Variants in WASHC4 observed in about 807,000 individuals in gnomAD.
WASHC4 encodes the protein WASH complex subunit 4, also known as WASH complex subunit 7.
A neutral mutation model predicts 166.6 loss-of-function variants in WASHC4; 86 were observed. The ratio of observed to expected loss-of-function variants is 0.52; its 90% CI spans 0.43 to 0.62. WASHC4 has a LOEUF of 0.62. Among genes scored for constraint, WASHC4 ranks in the 20% least tolerant of loss-of-function variants. The pLI, the probability that WASHC4 is intolerant of heterozygous loss-of-function variation, is 0.00. For synonymous variants in WASHC4, 446 were observed against 451.6 expected (o/e 0.99, Z 0.16); for missense variants, 1,262 against 1,382.4 (o/e 0.91, Z 1.38).
At chr12:105,119,635 A>C (rs992544648) in intron 7 of WASHC4, among the ~76,000 whole-genome samples, 11 of 152,150 alleles carry the variant, frequency 7.2e-5, no homozygotes, top group African/African-American at 2.4e-4. Context: ...TATAGCTTCC[A>C]TACCCGCTGC....
chr12:105,115,701 A>G lies in WASHC4; in HGVS notation c.408A>G (p.Gln136=), dbSNP rs201647203. The change falls in exon 6 of 33, where the codon CAA becomes CAG. Residue 136 remains glutamine (Q), a synonymous_variant. Transcript: ENST00000332180. ...ASMVEGDCQI[Q]MGRFISFLQE... is the part of the protein sequence containing the mutation. ...TGGTGGAAGGTGATTGCCAAATTCA[A>G]ATGGGGAGATTTATTTCATTCTTAC... is the stretch of plus-strand genomic sequence containing the variant. 7.4e-5 allele frequency: 119 copies of G among 1,609,526 alleles called. No homozygotes were observed. Among genetic ancestry groups the G allele is most frequent in the Non-Finnish European group, 9.6e-5 (113 of 1,175,994 alleles).
At chr12:105,137,683 G>A (rs529595178) in intron 14 of WASHC4, among the ~76,000 whole-genome samples, 6 of 152,238 alleles carry the variant, frequency 3.9e-5, no homozygotes, top group East Asian at 1.9e-4. Context: ...ATAAATAAAC[G>A]GTTAGGGCTG....
At chr12:105,126,469 A>C in intron 12 of WASHC4, 107 bp downstream of exon 12, 3 of 903,436 alleles carry the variant, frequency 3.3e-6, no homozygotes, top group Non-Finnish European at 5.0e-6. Context: ...ATAATTTAAA[A>C]GTATTCACTT....
rs1027084528 is a variant in WASHC4, at chr12:105,167,641, A to G, written c.*710A>G. On this transcript the variant is annotated 3_prime_UTR_variant, in exon 33 of 33. Transcript: ENST00000332180. ...ATACTCAGAAAATTCAGATAAAGCC[A>G]TAGAGTCCTGTTTGAAGCTTCACTT... 6.6e-6 allele frequency: 1 copy of G among 152,616 alleles called. No homozygotes were observed. Among genetic ancestry groups the G allele is most frequent in the African/African-American group, 2.4e-5 (1 of 41,458 alleles). The allele number at this position is 152,616 out of a possible 1,614,324, so 9.5% of individuals were successfully genotyped here.
At chr12:105,115,000 G>C (rs553459302) in intron 4 of WASHC4, among the ~76,000 whole-genome samples, 184 bp from the exon 5 acceptor site, 3 of 151,872 alleles carry the variant, frequency 2.0e-5, no homozygotes, top group Admixed American at 6.6e-5. Context: ...ACAGCTTTGA[G>C]TATCAGTAAT....
intron 2 of WASHC4, among the ~76,000 whole-genome samples, chr12:105,112,170 GC>G (rs1386933117): frequency 1.3e-5 from 2 of 152,070 alleles, no homozygotes; most frequent in African/African-American, 4.8e-5. Context: ...CTCCTTTGTT[GC>G]TGGCTTCTTT....
At chr12:105,153,570 C>CT (rs1232100882) in intron 26 of WASHC4, among the ~76,000 whole-genome samples, 1 of 152,022 alleles carries the variant, frequency 6.6e-6, no homozygotes, top group Non-Finnish European at 1.5e-5. Flanking sequence ...AGTTCTTAAC[C>CT]TTTTTTGAGA....
chr12:105,133,476 A>C (rs559786853), intron 13 of WASHC4, among the ~76,000 whole-genome samples: 171 of 152,190 alleles, frequency 1.1e-3, no homozygotes, highest in African/African-American at 3.8e-3. Flanking sequence ...AATTTTACTT[A>C]CTGATTTCAT....
intron 32 of WASHC4, among the ~76,000 whole-genome samples, chr12:105,166,646 A>C (rs57393988): frequency 0.018 from 2,804 of 152,256 alleles, 69 homozygotes; most frequent in African/African-American, 0.051. Context: ...CTCCACCTTC[A>C]TTAAAAACCA....
At chr12:105,115,075 C>G in intron 4 of WASHC4, 109 bp from the exon 5 acceptor site, 2 of 621,778 alleles carry the variant, frequency 3.2e-6, no homozygotes, top group Non-Finnish European at 5.9e-6. Context: ...AATTTGTATG[C>G]AAATGATGTA....
chr12:105,112,314 A>T (rs3910855), intron 2 of WASHC4, among the ~76,000 whole-genome samples: 5,445 of 152,288 alleles, frequency 0.036, 112 homozygotes, highest in Non-Finnish European at 0.048. Context: ...GTTGATAGAC[A>T]TTGGATTTTT....
intron 6 of WASHC4, 137 bp from the exon 7 acceptor site, chr12:105,118,309 T>C: frequency 1.4e-6 from 1 of 716,882 alleles, no homozygotes; most frequent in Middle Eastern, 3.0e-4. Flanking sequence ...ATGCTTGAAC[T>C]TGTCTGGCTT....
At chr12:105,120,282 A>G (rs1370828903) in intron 7 of WASHC4, among the ~76,000 whole-genome samples, 1 of 152,198 alleles carries the variant, frequency 6.6e-6, no homozygotes, top group Non-Finnish European at 1.5e-5. Flanking sequence ...AGCCCTACCC[A>G]TGAGTGGGAT....
At chr12:105,117,579 TA>T (rs1189919881) in intron 6 of WASHC4, among the ~76,000 whole-genome samples, 1 of 152,192 alleles carries the variant, frequency 6.6e-6, no homozygotes, top group Non-Finnish European at 1.5e-5. Context: ...ATTTTCATTT[TA>T]AAAAATACTT....
chr12:105,114,992 A>G (rs898388322), intron 4 of WASHC4, among the ~76,000 whole-genome samples, 192 bp from the exon 5 acceptor site: 1 of 151,988 alleles, frequency 6.6e-6, no homozygotes, highest in Non-Finnish European at 1.5e-5. Flanking sequence ...ATCAAGATAC[A>G]GCTTTGAGTA....
At chr12:105,111,289 TA>T in intron 2 of WASHC4, 25 bp downstream of exon 2, 1 of 1,480,016 alleles carries the variant, frequency 6.8e-7, no homozygotes, top group Non-Finnish European at 9.4e-7. Flanking sequence ...TTTAAAAATA[TA>T]TGTATATATT....
chr12:105,140,532 C>T lies in WASHC4; in HGVS notation c.1560+131C>T, dbSNP rs149443246. 685 of 723,660 alleles carry T rather than the reference C, an allele frequency of 9.5e-4. 3 individuals are homozygous for T. The African/African-American group carries it at 0.011, about 11-fold the overall frequency. 44.8% of individuals were successfully genotyped at this position (723,660 alleles called of 1,614,324 possible). A position where few individuals can be genotyped will look rare whatever the true frequency, so the allele number is the denominator to read the frequency against. On this transcript the variant is annotated intron_variant, in intron 16 of 32. Transcript: ENST00000332180. ...AAACATAATATGCTCGGTTATTTAT[C>T]TCCATAGTATTTTACAATTTTTACT...
chr12:105,111,235 G>A lies in WASHC4; in HGVS notation c.172G>A (p.Asp58Asn). The change falls in exon 2 of 33, where the codon GAT (aspartate) becomes AAT (asparagine). Residue 58 changes from aspartate to asparagine, a missense_variant. Physicochemically the swap from Asp to Asn is conservative, Grantham distance 23. Coordinates refer to ENST00000332180, the MANE Select transcript of WASHC4 (RefSeq NM_015275.3). ...GGATGACTCAATTGGAGATGTTTGGGATTTCAATCTTGATCCTATAGCATT... is the reference window on the plus strand; with the variant it reads ...GGATGACTCAATTGGAGATGTTTGGAATTTCAATCTTGATCCTATAGCATT... ...ALDDSIGDVWDFNLDPIALKL... is the reference protein window; with the variant it reads ...ALDDSIGDVWNFNLDPIALKL... The A allele has an allele frequency of 1.2e-6, 2 of 1,609,970 alleles. No homozygotes were observed. The highest frequency in any genetic ancestry group is 1.7e-6 in the Non-Finnish European group (2 of 1,176,982).
Position 105,114,377 on chromosome 12 carries a change from A to G in WASHC4, c.271A>G (p.Ile91Val), listed in dbSNP as rs1266893035. The G allele has an allele frequency of 6.3e-7, 1 of 1,599,446 alleles. No homozygotes were observed. The highest frequency in any genetic ancestry group is 1.3e-5 in the African/African-American group (1 of 74,628). Residue 91 changes from isoleucine (I) to valine (V), a missense_variant, in exon 4 of 33, where the codon ATC (isoleucine) becomes GTC (valine). By Grantham distance (29) the Ile-to-Val change is conservative (BLOSUM62 3). Transcript: ENST00000332180. ...KTENKVLNKVITVYAALCCEI... is the reference protein window; with the variant it reads ...KTENKVLNKVVTVYAALCCEI... Reference sequence around the variant, plus strand: ...ATGAAACTAGGTCTTAAACAAAGTCATCACTGTTTATGCTGCACTTTGTTG... The same window carrying G: ...ATGAAACTAGGTCTTAAACAAAGTCGTCACTGTTTATGCTGCACTTTGTTG...
Sources: gnomAD v4.1 joint callset for allele counts (sites outside exome capture counted in the v4.1 genomes callset) on GRCh38, gnomAD v4.1.1 for gene constraint, MANE v1.5 for transcripts, NCBI Gene and HGNC (gene_info 2026-07-23, HGNC 2026-07-21) for gene names.